PTPRD: variants seen among roughly 807,000 people sequenced by gnomAD.
The protein encoded by PTPRD is receptor-type tyrosine-protein phosphatase delta.
A neutral mutation model predicts 214.5 loss-of-function variants in PTPRD; 34 were observed. The observed-to-expected ratio is 0.16, with a 90% CI of 0.12 to 0.21. The LOEUF (loss-of-function observed/expected upper bound fraction) is 0.21. Among genes scored for constraint, PTPRD ranks in the 10% least tolerant of loss-of-function variants. The pLI is 1.00. For missense variants in PTPRD, 2,545 were observed against 2,398.7 expected, an observed-to-expected ratio of 1.06 and a Z score of -1.27; for synonymous variants, 1,128 against 845.7, an observed-to-expected ratio of 1.33 and a Z score of -5.79.
At chr9:8,854,442 A>G (rs748172475) in intron 11 of PTPRD, among the ~76,000 whole-genome samples, 1 of 152,212 alleles carries the variant, frequency 6.6e-6, no homozygotes. Flanking sequence ...TATGCATAGA[A>G]TCCTTTTAAA....
At chr9:9,407,151 G>T (rs1202287359) in intron 8 of PTPRD, among the ~76,000 whole-genome samples, 2 of 151,600 alleles carry the variant, frequency 1.3e-5, no homozygotes, top group Non-Finnish European at 3.0e-5. Flanking sequence ...CTGTAGATTG[G>T]CTTATCGATA....
chr9:9,146,297 T>C (rs917128201), intron 10 of PTPRD, among the ~76,000 whole-genome samples: 6 of 152,148 alleles, frequency 3.9e-5, no homozygotes, highest in Non-Finnish European at 8.8e-5. Flanking sequence ...CTCAATTACA[T>C]ATTTGGTTGT....
At chr9:10,253,203 A>G (rs867488464) in intron 3 of PTPRD, among the ~76,000 whole-genome samples, 1 of 152,110 alleles carries the variant, frequency 6.6e-6, no homozygotes, top group African/African-American at 2.4e-5. Flanking sequence ...ACCCATCACT[A>G]CTCTGATGTC....
chr9:8,587,372 C>T (rs1364834219), intron 14 of PTPRD, among the ~76,000 whole-genome samples: 1 of 152,148 alleles, frequency 6.6e-6, no homozygotes, highest in East Asian at 1.9e-4. Context: ...GTACAAAAAT[C>T]AGCAGCTTTT....
At chr9:10,437,960 T>C (rs959160911) in intron 2 of PTPRD, among the ~76,000 whole-genome samples, 1 of 147,080 alleles carries the variant, frequency 6.8e-6, no homozygotes, top group Non-Finnish European at 1.5e-5. Context: ...AAAAATACAC[T>C]GTACAGAGAC....
intron 11 of PTPRD, among the ~76,000 whole-genome samples, chr9:9,012,633 A>C (rs2154363207): frequency 6.6e-6 from 1 of 152,308 alleles, no homozygotes; most frequent in Non-Finnish European, 1.5e-5. Flanking sequence ...AGTGGATGTG[A>C]GAACAAAACA....
intron 3 of PTPRD, among the ~76,000 whole-genome samples, chr9:10,251,521 T>A (rs766406617): frequency 6.6e-6 from 1 of 152,168 alleles, no homozygotes; most frequent in Non-Finnish European, 1.5e-5. Context: ...TGTTTTCTAA[T>A]CTTCACAATG....
intron 11 of PTPRD, among the ~76,000 whole-genome samples, chr9:8,862,577 C>A (rs1432368508): frequency 6.6e-6 from 1 of 152,120 alleles, no homozygotes; most frequent in East Asian, 1.9e-4. Flanking sequence ...GTTCTGATTC[C>A]ACTACCCAAA....
intron 8 of PTPRD, among the ~76,000 whole-genome samples, chr9:9,506,746 G>A (rs554053414): frequency 6.6e-6 from 1 of 151,426 alleles, no homozygotes; most frequent in East Asian, 1.9e-4. Flanking sequence ...CTGGAGTAAT[G>A]CAAGTTACAA....
At chr9:8,995,364 T>C (rs1407328411) in intron 11 of PTPRD, among the ~76,000 whole-genome samples, 3 of 152,078 alleles carry the variant, frequency 2.0e-5, no homozygotes. Flanking sequence ...GAATCACATT[T>C]TCCTCATCCT....
intron 4 of PTPRD, among the ~76,000 whole-genome samples, chr9:9,983,876 C>T (rs10732366): frequency 0.8 from 121,936 of 151,550 alleles, 49,792 homozygotes; most frequent in Middle Eastern, 0.89. Flanking sequence ...AGCAGTTCAC[C>T]GATTTATTCA....
intron 44 of PTPRD, among the ~76,000 whole-genome samples, chr9:8,327,053 G>C (rs1467926303): frequency 5.4e-5 from 8 of 148,342 alleles, no homozygotes; most frequent in African/African-American, 2.0e-4. Context: ...AGTGTTCTTA[G>C]TTATTTCTTG....
chr9:8,527,110 T>C (rs563544768), intron 16 of PTPRD, among the ~76,000 whole-genome samples: 1 of 152,104 alleles, frequency 6.6e-6, no homozygotes, highest in East Asian at 1.9e-4. Flanking sequence ...TTGGATATCT[T>C]ATACTACTTG....
Position 8,316,190 on chromosome 9 carries a change from G to A in PTPRD, c.*1684C>T, listed in dbSNP as rs552440513. 1.3e-3 allele frequency: 300 copies of A among 229,534 alleles called. No homozygotes were observed. The highest frequency in any genetic ancestry group is 2.2e-3 in the Non-Finnish European group (251 of 115,498). The allele number at this position is 229,534 out of a possible 1,614,324, so 14.2% of individuals were successfully genotyped here. A position where few individuals can be genotyped will look rare whatever the true frequency, so the allele number is the denominator to read the frequency against. On this transcript the variant is annotated 3_prime_UTR_variant, in exon 46 of 46. Coordinates refer to ENST00000381196, the MANE Select transcript of PTPRD (RefSeq NM_002839.4). The stretch of plus-strand genomic sequence containing the variant: ...GTACAATCACTAACATCCCCGACTT[G>A]GCTGAAAACTAGGAATGCATATTAT...
chr9:9,246,166 T>C (rs933797615), intron 9 of PTPRD, among the ~76,000 whole-genome samples: 1 of 152,092 alleles, frequency 6.6e-6, no homozygotes, highest in African/African-American at 2.4e-5. Flanking sequence ...AATTCATTAT[T>C]AGACTCTAGC....
chr9:10,390,062 A>T (rs983545495), intron 2 of PTPRD, among the ~76,000 whole-genome samples: 1 of 151,856 alleles, frequency 6.6e-6, no homozygotes, highest in Non-Finnish European at 1.5e-5. Context: ...ATTGCAATTA[A>T]TTTTTTGATA....
chr9:8,328,788 T>G (rs544458617), intron 44 of PTPRD, among the ~76,000 whole-genome samples: 1 of 152,256 alleles, frequency 6.6e-6, no homozygotes, highest in African/African-American at 2.4e-5. Context: ...ATCTTCAATC[T>G]CGGACATCCG....
intron 8 of PTPRD, among the ~76,000 whole-genome samples, chr9:9,530,009 G>A (rs968480596): frequency 3.3e-5 from 5 of 152,056 alleles, no homozygotes; most frequent in Non-Finnish European, 5.9e-5. Context: ...AGCAAAAGCA[G>A]TGCTAAGAGG....
chr9:10,385,092 C>T (rs1428695813), intron 2 of PTPRD, among the ~76,000 whole-genome samples: 1 of 151,814 alleles, frequency 6.6e-6, no homozygotes, highest in African/African-American at 2.4e-5. Flanking sequence ...TCCCCTCTCA[C>T]ATTTTTACAT....
Sources: allele counts gnomAD v4.1 joint callset (sites outside exome capture counted in the v4.1 genomes callset), GRCh38; gene constraint gnomAD v4.1.1; transcripts MANE v1.5; gene names NCBI Gene and HGNC (gene_info 2026-07-23, HGNC 2026-07-21).